The following DCC variants were observed in gnomAD, a reference collection of about 807,000 sequenced individuals.
The protein encoded by DCC is DCC netrin 1 receptor, also known as netrin receptor DCC.
Under a neutral mutation model 172.5 loss-of-function variants are expected in DCC, and 58 were observed. That is an observed-to-expected ratio of 0.34 (90% CI 0.27 to 0.42). The LOEUF (loss-of-function observed/expected upper bound fraction) is 0.42, where lower values mean the gene tolerates loss of function less well. DCC is among the 10% of genes least tolerant of loss of function. The pLI, the probability that DCC is intolerant of heterozygous loss-of-function variation, is 1.00. For missense variants in DCC, 1,740 were observed against 1,791.0 expected (o/e 0.97, Z 0.51); for synonymous variants, 709 against 644.5 (o/e 1.10, Z -1.52).
chr18:53,478,680 G>T (rs2045796575), intron 25 of DCC, among the ~76,000 whole-genome samples: 1 of 152,174 alleles, frequency 6.6e-6, no homozygotes, highest in African/African-American at 2.4e-5. Context: ...ACTGGTTTCT[G>T]GGCTTTCTAG....
intron 12 of DCC, among the ~76,000 whole-genome samples, chr18:53,227,740 A>G (rs1033184484): frequency 5.9e-5 from 9 of 152,222 alleles, no homozygotes; most frequent in African/African-American, 2.2e-4. Flanking sequence ...ACTTTGTTCC[A>G]GGGTAAACAG....
At chr18:53,281,807 T>C (rs1159119978) in intron 12 of DCC, among the ~76,000 whole-genome samples, 1 of 149,482 alleles carries the variant, frequency 6.7e-6, no homozygotes. Context: ...TTTGCCAGTA[T>C]ACCACCAGAA....
At chr18:53,097,838 C>T (rs1036352440) in intron 7 of DCC, among the ~76,000 whole-genome samples, 3 of 152,098 alleles carry the variant, frequency 2.0e-5, no homozygotes, top group South Asian at 2.1e-4. Flanking sequence ...GATTTGATGT[C>T]TCTTCCTCAT....
chr18:53,457,786 A>G (rs1201367718), intron 23 of DCC, among the ~76,000 whole-genome samples: 1 of 152,162 alleles, frequency 6.6e-6, no homozygotes, highest in Non-Finnish European at 1.5e-5. Context: ...TGGGGCTGCC[A>G]CCAGGAAATC....
At chr18:52,558,527 A>G (rs577579451) in intron 1 of DCC, among the ~76,000 whole-genome samples, 32 of 152,268 alleles carry the variant, frequency 2.1e-4, no homozygotes, top group African/African-American at 7.2e-4. Context: ...TCCAGATTGC[A>G]TATTTGCAGG....
At chr18:52,706,615 C>A (rs1220955818) in intron 1 of DCC, among the ~76,000 whole-genome samples, 1 of 152,086 alleles carries the variant, frequency 6.6e-6, no homozygotes, top group Non-Finnish European at 1.5e-5. Flanking sequence ...AGGAGGCTAC[C>A]AGCTCAGTTC....
At chr18:53,365,446 GAAAA>G (rs34872630) in intron 15 of DCC, among the ~76,000 whole-genome samples, 1 of 132,544 alleles carries the variant, frequency 7.5e-6, no homozygotes. Flanking sequence ...TCATCCCACT[GAAAA>G]AAAAAAAAAA....
intron 1 of DCC, among the ~76,000 whole-genome samples, chr18:52,641,181 G>A (rs921282712): frequency 6.6e-6 from 1 of 152,084 alleles, no homozygotes; most frequent in Non-Finnish European, 1.5e-5. Flanking sequence ...GAATAAAACT[G>A]GATCCTCATC....
rs2037793194 is a variant in DCC, at chr18:52,792,664, G to A, written c.412+40290G>A. 4.0e-5 allele frequency among the ~76,000 whole-genome samples: 6 copies of A among 151,664 alleles called. No individual in the cohort carries two copies. The South Asian group carries it at 1.2e-3, about 32-fold the overall frequency. On this transcript the variant is annotated intron_variant, in intron 2 of 28. Transcript: ENST00000442544. ...ACATCCGAGTCTTTAAGAATGGCAGGCATGCTAATGGTATTTTTAAATGGC... is the reference window on the plus strand; with the variant it reads ...ACATCCGAGTCTTTAAGAATGGCAGACATGCTAATGGTATTTTTAAATGGC...
intron 8 of DCC, among the ~76,000 whole-genome samples, chr18:53,167,980 TG>T (rs1229721908): frequency 6.6e-6 from 1 of 152,128 alleles, no homozygotes; most frequent in Admixed American, 6.6e-5. Context: ...CACTGGTCAT[TG>T]AGAAATGCAA....
intron 1 of DCC, among the ~76,000 whole-genome samples, chr18:52,497,177 C>T (rs1470532981): frequency 6.7e-6 from 1 of 149,308 alleles, no homozygotes; most frequent in Non-Finnish European, 1.5e-5. Context: ...AGGAGGAGCT[C>T]TTGAGCCCAG....
chr18:52,953,561 C>T (rs1299559445), intron 5 of DCC, among the ~76,000 whole-genome samples: 1 of 152,214 alleles, frequency 6.6e-6, no homozygotes, highest in Admixed American at 6.5e-5. Context: ...AAGGCAAGAA[C>T]ATGCAGCTTA....
chr18:53,464,616 T>A (rs1201087402), intron 24 of DCC, among the ~76,000 whole-genome samples: 2 of 151,760 alleles, frequency 1.3e-5, no homozygotes, highest in East Asian at 3.9e-4. Flanking sequence ...AAGCACAGTC[T>A]ATTTTTAGAA....
intron 1 of DCC, among the ~76,000 whole-genome samples, chr18:52,521,405 A>G (rs73957916): frequency 0.043 from 6,566 of 152,182 alleles, 464 homozygotes; most frequent in African/African-American, 0.15. Flanking sequence ...ACAAAAATTT[A>G]TTGTCTCAGT....
intron 19 of DCC, among the ~76,000 whole-genome samples, chr18:53,409,507 C>A (rs1909863377): frequency 6.6e-6 from 1 of 152,166 alleles, no homozygotes; most frequent in Non-Finnish European, 1.5e-5. Flanking sequence ...TTATCAATGA[C>A]ACCTATCATG....
At chr18:52,995,724 T>G (rs1257577950) in intron 5 of DCC, among the ~76,000 whole-genome samples, 3 of 151,984 alleles carry the variant, frequency 2.0e-5, no homozygotes, top group Non-Finnish European at 4.4e-5. Context: ...CTATCGTAAA[T>G]TCCAGCTAAC....
intron 12 of DCC, among the ~76,000 whole-genome samples, chr18:53,235,123 C>A (rs913955677): frequency 1.3e-5 from 2 of 152,136 alleles, no homozygotes; most frequent in Non-Finnish European, 2.9e-5. Context: ...ACACAGGGTT[C>A]ATTGTGTAAG....
intron 2 of DCC, among the ~76,000 whole-genome samples, chr18:52,755,448 G>C (rs1373173771): frequency 1.3e-5 from 2 of 152,196 alleles, no homozygotes; most frequent in Non-Finnish European, 2.9e-5. Flanking sequence ...CACGGATTCA[G>C]TCACTGAGTT....
intron 1 of DCC, among the ~76,000 whole-genome samples, chr18:52,483,012 C>G (rs78290231): frequency 0.016 from 2,398 of 152,164 alleles, 46 homozygotes; most frequent in African/African-American, 0.039. Flanking sequence ...TGCTCTCCCT[C>G]GAAGGCTCCT....
Sources: allele counts gnomAD v4.1 joint callset (sites outside exome capture counted in the v4.1 genomes callset), GRCh38; gene constraint gnomAD v4.1.1; transcripts MANE v1.5; gene names NCBI Gene and HGNC (gene_info 2026-07-23, HGNC 2026-07-21).